Variants in FAM163A observed in about 807,000 individuals in gnomAD.
FAM163A encodes family with sequence similarity 163 member A.
A neutral mutation model predicts 12.0 loss-of-function variants in FAM163A; 7 were observed. That is an observed-to-expected ratio of 0.58 (90% CI 0.33 to 1.10). FAM163A has a LOEUF of 1.10. Among genes scored for constraint, FAM163A ranks in the 50% least tolerant of loss-of-function variants. The probability of loss-of-function intolerance (pLI) is 0.03; values close to 1 mark genes in which losing one functional copy is unlikely to be tolerated. For missense variants in FAM163A, 202 were observed against 218.6 expected, an observed-to-expected ratio of 0.92 and a Z score of 0.48; for synonymous variants, 101 against 91.0, an observed-to-expected ratio of 1.11 and a Z score of -0.62.
At chr1:179,759,521 G>A (rs1485272024) in intron 1 of FAM163A, among the ~76,000 whole-genome samples, 1 of 152,108 alleles carries the variant, frequency 6.6e-6, no homozygotes, top group Non-Finnish European at 1.5e-5. Flanking sequence ...TGAGGGACAA[G>A]GGACCAAGCA....
chr1:179,729,924 G>A, the FAM163A span, among the ~76,000 whole-genome samples: 2 of 152,210 alleles, frequency 1.3e-5, no homozygotes, highest in Non-Finnish European at 2.9e-5. Flanking sequence ...ATGCCTTCCT[G>A]CACTGCTTTC....
At position 179,813,091 on chromosome 1, in the gene FAM163A, C is replaced by T. The variant is rs369674516; in HGVS notation, c.-7C>T. 1.9e-6 allele frequency: 3 copies of T among 1,551,652 alleles called. No homozygotes were observed. Among genetic ancestry groups the T allele is most frequent in the Non-Finnish European group, 1.7e-6 (2 of 1,146,970 alleles). On this transcript the variant is annotated 5_prime_UTR_variant, in exon 4 of 5. Transcript: ENST00000341785. ...ATCTTTGCAGAGTTTGATGGGGCGC[C>T]GGGCGGATGACAGCGGGAACGGTTG... is the stretch of plus-strand genomic sequence containing the variant.
intron 1 of FAM163A, among the ~76,000 whole-genome samples, chr1:179,783,129 TAAAAA>T (rs11378381): frequency 7.1e-6 from 1 of 141,378 alleles, no homozygotes; most frequent in Non-Finnish European, 1.5e-5. Flanking sequence ...AACTCCGTCT[TAAAAA>T]AAAAAAAAAA....
At chr1:179,765,028 G>T (rs1044108379) in intron 1 of FAM163A, among the ~76,000 whole-genome samples, 2 of 152,202 alleles carry the variant, frequency 1.3e-5, no homozygotes, top group Non-Finnish European at 2.9e-5. Context: ...CAGAACTGAT[G>T]GGCTGCCTCC....
At chr1:179,732,825 G>A in the FAM163A span, among the ~76,000 whole-genome samples, 4 of 135,874 alleles carry the variant, frequency 2.9e-5, no homozygotes, top group Admixed American at 8.5e-5. Context: ...AGGTTGCAGT[G>A]AGCTGAGATC....
At chr1:179,806,170 C>A (rs1249849640) in intron 1 of FAM163A, among the ~76,000 whole-genome samples, 1 of 152,194 alleles carries the variant, frequency 6.6e-6, no homozygotes, top group Non-Finnish European at 1.5e-5. Flanking sequence ...GAGACAGATG[C>A]TTTTACATTC....
chr1:179,799,713 C>T lies in FAM163A; in HGVS notation c.-135-8085C>T, dbSNP rs187196597. Reference sequence around the variant, plus strand: ...AAACAAAACCAAGTCCAATGTGAACCAAACCCTTAACAGGTTTACTGGCCT... The same window carrying T: ...AAACAAAACCAAGTCCAATGTGAACTAAACCCTTAACAGGTTTACTGGCCT... On this transcript the variant is annotated intron_variant, in intron 1 of 4. Coordinates refer to ENST00000341785, the MANE Select transcript of FAM163A (RefSeq NM_173509.3). 5.3e-5 allele frequency among the ~76,000 whole-genome samples: 8 copies of T among 152,334 alleles called. No homozygotes were observed. In the East Asian group the frequency reaches 1.5e-3, roughly 29 times the overall value.
Position 179,814,043 on chromosome 1 carries a change from G to A in FAM163A, c.358G>A (p.Glu120Lys). The change falls in exon 5 of 5, where the codon GAG becomes AAG. Residue 120 changes from glutamate to lysine, a missense_variant. By Grantham distance (56) the Glu-to-Lys change is moderately conservative. Transcript: ENST00000341785. ...CATGGTGCCCAATGGGGGTGGAGGC[G>A]AGAGGCTCTCCTTTGCTCCCACATA... ...ADMVPNGGGG[E>K]RLSFAPTYYK... The A allele has an allele frequency of 6.2e-7, 1 of 1,613,662 alleles. No homozygotes were observed. Among genetic ancestry groups the A allele is most frequent in the Non-Finnish European group, 8.5e-7 (1 of 1,179,764 alleles).
intron 1 of FAM163A, among the ~76,000 whole-genome samples, chr1:179,805,576 G>A (rs1194452497): frequency 1.3e-5 from 2 of 151,676 alleles, no homozygotes; most frequent in African/African-American, 4.8e-5. Flanking sequence ...TAATAATCAT[G>A]AGTAATGAAA....
intron 1 of FAM163A, among the ~76,000 whole-genome samples, chr1:179,791,554 G>A (rs1046083304): frequency 1.1e-4 from 17 of 152,268 alleles, no homozygotes; most frequent in African/African-American, 4.8e-5. Flanking sequence ...GAAAAAGAAG[G>A]GGAATAGGCT....
intron 1 of FAM163A, among the ~76,000 whole-genome samples, chr1:179,761,350 G>A (rs1243682649): frequency 6.6e-6 from 1 of 152,162 alleles, no homozygotes; most frequent in Non-Finnish European, 1.5e-5. Flanking sequence ...GATCTGGTTG[G>A]CAATGTTCAC....
intron 1 of FAM163A, among the ~76,000 whole-genome samples, chr1:179,755,648 A>G (rs1003322932): frequency 6.6e-6 from 1 of 152,174 alleles, no homozygotes; most frequent in Non-Finnish European, 1.5e-5. Flanking sequence ...AGGAAAACAG[A>G]ATTGATTCAT....
chr1:179,813,758 T>C (rs780090453), intron 4 of FAM163A, 21 bp from the exon 5 acceptor site: 2 of 1,613,142 alleles, frequency 1.2e-6, no homozygotes, highest in Non-Finnish European at 8.5e-7. Context: ...CTCTCAGGCA[T>C]CCCTCTGCCC....
chr1:179,757,676 G>A (rs894819825), intron 1 of FAM163A, among the ~76,000 whole-genome samples: 1 of 152,188 alleles, frequency 6.6e-6, no homozygotes, highest in Admixed American at 6.5e-5. Flanking sequence ...GCCAGGCGTG[G>A]TGGCACATGC....
intron 1 of FAM163A, among the ~76,000 whole-genome samples, chr1:179,768,324 A>G (rs1687783584): frequency 6.6e-6 from 1 of 152,214 alleles, no homozygotes. Flanking sequence ...CACACAGTCA[A>G]TAAGACCAAG....
chr1:179,799,470 C>A (rs896968098), intron 1 of FAM163A, among the ~76,000 whole-genome samples: 1 of 151,778 alleles, frequency 6.6e-6, no homozygotes, highest in East Asian at 2.0e-4. Context: ...CGGCACGTTC[C>A]GTGCATAGCA....
intron 1 of FAM163A, among the ~76,000 whole-genome samples, chr1:179,762,636 A>G (rs977881517): frequency 6.6e-6 from 1 of 152,230 alleles, no homozygotes; most frequent in East Asian, 1.9e-4. Flanking sequence ...CACCAACTTC[A>G]GGAATGCTCA....
At chr1:179,810,641 C>T (rs559156950) in intron 2 of FAM163A, among the ~76,000 whole-genome samples, 58 of 152,288 alleles carry the variant, frequency 3.8e-4, no homozygotes, top group African/African-American at 1.3e-3. Flanking sequence ...AGTAGCTGCC[C>T]CACTCTAGGT....
intron 1 of FAM163A, among the ~76,000 whole-genome samples, chr1:179,775,780 T>C (rs1688873109): frequency 6.6e-6 from 1 of 152,172 alleles, no homozygotes; most frequent in Non-Finnish European, 1.5e-5. Context: ...GCCCGCAGAA[T>C]ACTTTGAGGA....
Sources: allele counts gnomAD v4.1 joint callset (sites outside exome capture counted in the v4.1 genomes callset), GRCh38; gene constraint gnomAD v4.1.1; transcripts MANE v1.5; gene names NCBI Gene and HGNC (gene_info 2026-07-23, HGNC 2026-07-21).